Variants in ARMH4 observed in about 807,000 individuals in gnomAD.
The protein encoded by ARMH4 is armadillo-like helical domain-containing protein 4.
A neutral mutation model predicts 61.9 loss-of-function variants in ARMH4; 49 were observed. That is an observed-to-expected ratio of 0.79 (90% CI 0.63 to 1.00). The LOEUF is 1.00. Among genes scored for constraint, ARMH4 ranks in the 50% least tolerant of loss-of-function variants. The pLI is 0.00. For missense variants in ARMH4, 934 were observed against 930.0 expected, an observed-to-expected ratio of 1.00 and a Z score of -0.06; for synonymous variants, 368 against 341.5, an observed-to-expected ratio of 1.08 and a Z score of -0.85.
At position 58,117,738 on chromosome 14, in the gene ARMH4, G is replaced by A. The variant is rs180693400; in HGVS notation, c.1831+13774C>T. On this transcript the variant is annotated intron_variant, in intron 4 of 7. Transcript: ENST00000267485. ...AATCCAATTTTCATTAAGTTATGTCGTGTATATGTTTCAAATGAGTATAAC... is the reference window on the plus strand; with the variant it reads ...AATCCAATTTTCATTAAGTTATGTCATGTATATGTTTCAAATGAGTATAAC... Among the ~76,000 whole-genome samples, 892 of 151,918 alleles carry A rather than the reference G, an allele frequency of 5.9e-3. 4 individuals carry two copies. Among genetic ancestry groups the A allele is most frequent in the Middle Eastern group, 0.017 (5 of 294 alleles).
At chr14:58,085,475 T>A (rs979056516) in intron 5 of ARMH4, among the ~76,000 whole-genome samples, 1 of 152,054 alleles carries the variant, frequency 6.6e-6, no homozygotes, top group African/African-American at 2.4e-5. Context: ...TCCTCAGATG[T>A]AATATGTCTT....
rs1402529029 is a variant in ARMH4, at chr14:58,004,593, A to G, written c.*143T>C. ...GCCATTTCTGCTCAGTACAAGAAAA[A>G]TCTACTACCCAGCACCCAGCAGACA... is the stretch of plus-strand genomic sequence containing the variant. On this transcript the variant is annotated 3_prime_UTR_variant, in exon 8 of 8. Transcript: ENST00000267485. 3 of 673,388 alleles carry G rather than the reference A, an allele frequency of 4.5e-6. No homozygotes were observed. Among genetic ancestry groups the G allele is most frequent in the Middle Eastern group, 4.3e-4 (1 of 2,326 alleles). 41.7% of individuals were successfully genotyped at this position (673,388 alleles called of 1,614,324 possible).
intron 5 of ARMH4, among the ~76,000 whole-genome samples, chr14:58,079,574 A>G (rs933311262): frequency 7.9e-5 from 12 of 152,176 alleles, no homozygotes; most frequent in African/African-American, 2.4e-4. Flanking sequence ...ACACATTCAA[A>G]CCATAGTAGG....
chr14:58,103,466 C>T (rs182588839), intron 4 of ARMH4, among the ~76,000 whole-genome samples: 62 of 152,236 alleles, frequency 4.1e-4, no homozygotes, highest in African/African-American at 1.4e-3. Flanking sequence ...GACCCCTCAG[C>T]CTCCAGAACG....
At chr14:58,040,552 C>T (rs11621755) in intron 5 of ARMH4, among the ~76,000 whole-genome samples, 22,913 of 152,112 alleles carry the variant, frequency 0.15, 2,212 homozygotes, top group East Asian at 0.49. Context: ...ATTTTCTTTA[C>T]CCAGTCTACC....
intron 4 of ARMH4, among the ~76,000 whole-genome samples, chr14:58,111,456 G>A (rs900487108): frequency 6.6e-6 from 1 of 152,188 alleles, no homozygotes; most frequent in Non-Finnish European, 1.5e-5. Flanking sequence ...GATTGTGTTA[G>A]TAAGTTTGGG....
rs149413460 is a variant in ARMH4 at position 58,105,943 on chromosome 14, A to G, written c.1832-8962T>C. Among the ~76,000 whole-genome samples the G allele has an allele frequency of 2.6e-5, 4 of 152,302 alleles. No individual in the cohort carries two copies. The East Asian group carries it at 7.7e-4, about 29-fold the overall frequency. On this transcript the variant is annotated intron_variant, in intron 4 of 7. Transcript: ENST00000267485. Reference sequence around the variant, plus strand: ...ACCAACACTTCTTTTTCACAAGTTGACATGGCACTGATTACATCACAACCC... The same window carrying G: ...ACCAACACTTCTTTTTCACAAGTTGGCATGGCACTGATTACATCACAACCC...
At chr14:58,103,025 C>T (rs1044124203) in intron 4 of ARMH4, among the ~76,000 whole-genome samples, 7 of 151,548 alleles carry the variant, frequency 4.6e-5, no homozygotes, top group East Asian at 1.9e-4. Context: ...CCCAGCTACA[C>T]GGGAGGCTGA....
intron 5 of ARMH4, among the ~76,000 whole-genome samples, chr14:58,040,836 T>C (rs1175019273): frequency 6.6e-6 from 1 of 152,242 alleles, no homozygotes; most frequent in Non-Finnish European, 1.5e-5. Context: ...TGTTATGGGC[T>C]GCCCCAGAAA....
chr14:58,141,315 C>T (rs1887542000), intron 1 of ARMH4: 1 of 441,704 alleles, frequency 2.3e-6, no homozygotes, highest in Non-Finnish European at 4.5e-6. Flanking sequence ...CGGGCAAGAC[C>T]ATCACCCTTG....
chr14:58,137,939 T>A, intron 2 of ARMH4, 51 bp downstream of exon 2: 1 of 1,538,088 alleles, frequency 6.5e-7, no homozygotes, highest in Non-Finnish European at 8.8e-7. Context: ...AAAAAAAAAT[T>A]GAAAGTTTCC....
At chr14:58,085,983 G>A (rs1366090506) in intron 5 of ARMH4, among the ~76,000 whole-genome samples, 4 of 152,182 alleles carry the variant, frequency 2.6e-5, no homozygotes, top group Non-Finnish European at 5.9e-5. Flanking sequence ...TTGATTCTCA[G>A]AACTGGGGAA....
rs190000179 is a variant in ARMH4 at position 58,046,912 on chromosome 14, A to G, written c.2090-34762T>C. On this transcript the variant is annotated intron_variant, in intron 5 of 7. Transcript: ENST00000267485. ...ATCCTGATAGCTCTTTTATATTACC[A>G]TAAAACCAAAACAAATTCCTAAATT... is the stretch of plus-strand genomic sequence containing the variant. Among the ~76,000 whole-genome samples, 4 of 152,352 alleles carry G rather than the reference A, an allele frequency of 2.6e-5. No homozygotes were observed. In the East Asian group the frequency reaches 5.8e-4, roughly 22 times the overall value.
At chr14:58,017,253 G>A (rs72714768) in intron 5 of ARMH4, among the ~76,000 whole-genome samples, 4,794 of 152,262 alleles carry the variant, frequency 0.031, 103 homozygotes, top group South Asian at 0.049. Flanking sequence ...GGTTGAGGCT[G>A]CGGTGAGCTG....
At chr14:58,051,070 A>G (rs10147813) in intron 5 of ARMH4, among the ~76,000 whole-genome samples, 46,552 of 150,286 alleles carry the variant, frequency 0.31, 7,834 homozygotes, top group Non-Finnish European at 0.38. Flanking sequence ...GAATGCAACT[A>G]TGGTTGATCA....
intron 4 of ARMH4, among the ~76,000 whole-genome samples, chr14:58,112,655 T>A (rs1886393065): frequency 6.6e-6 from 1 of 152,222 alleles, no homozygotes; most frequent in Admixed American, 6.5e-5. Context: ...AGAATTATCT[T>A]TCTTCTTCTC....
chr14:58,139,652 A>T (rs1169140437), intron 1 of ARMH4, among the ~76,000 whole-genome samples: 1 of 152,224 alleles, frequency 6.6e-6, no homozygotes, highest in Non-Finnish European at 1.5e-5. Context: ...ACATAGTTCA[A>T]GTATTAAGTT....
intron 4 of ARMH4, among the ~76,000 whole-genome samples, chr14:58,128,161 G>A (rs944163522): frequency 3.9e-5 from 6 of 152,122 alleles, no homozygotes; most frequent in East Asian, 3.9e-4. Flanking sequence ...TACAGAAAGC[G>A]GGACTTCTTT....
intron 3 of ARMH4, among the ~76,000 whole-genome samples, chr14:58,132,466 C>CT (rs1348901787): frequency 6.6e-6 from 1 of 152,082 alleles, no homozygotes; most frequent in African/African-American, 2.4e-5. Context: ...CCTCATCCCC[C>CT]CCGGCTCCTA....
Sources: allele counts gnomAD v4.1 joint callset (sites outside exome capture counted in the v4.1 genomes callset), GRCh38; gene constraint gnomAD v4.1.1; transcripts MANE v1.5; gene names NCBI Gene and HGNC (gene_info 2026-07-23, HGNC 2026-07-21).